CNTLN: variants seen among roughly 807,000 people sequenced by gnomAD.
CNTLN encodes centlein.
CNTLN carries 212 observed loss-of-function variants against 180.0 expected under a neutral mutation model. The observed-to-expected ratio is 1.18, with a 90% CI of 1.05 to 1.32. The LOEUF (loss-of-function observed/expected upper bound fraction) is 1.32. Among genes scored for constraint, CNTLN ranks in the 40% most tolerant of loss-of-function variants. The pLI, the probability that CNTLN is intolerant of heterozygous loss-of-function variation, is 0.00. For missense variants in CNTLN, 2,095 were observed against 1,610.9 expected (o/e 1.30, Z -5.14); for synonymous variants, 722 against 563.1 (o/e 1.28, Z -3.99).
intron 13 of CNTLN, among the ~76,000 whole-genome samples, chr9:17,381,724 G>A (rs188026007): frequency 1.2e-3 from 190 of 152,306 alleles, no homozygotes; most frequent in Non-Finnish European, 2.1e-3. Context: ...TTGCTCATGA[G>A]TCTATCAGCT....
At chr9:17,162,428 T>C (rs2131594002) in intron 2 of CNTLN, among the ~76,000 whole-genome samples, 1 of 152,308 alleles carries the variant, frequency 6.6e-6, no homozygotes, top group South Asian at 2.1e-4. Context: ...CTTGCTTTCT[T>C]TTATGGCCAA....
intron 8 of CNTLN, among the ~76,000 whole-genome samples, chr9:17,319,835 C>T (rs1253705529): frequency 6.6e-6 from 1 of 151,878 alleles, no homozygotes; most frequent in African/African-American, 2.4e-5. Context: ...TTCCTTTCTC[C>T]TATCTCAACT....
chr9:17,259,890 C>T (rs1431883562), intron 5 of CNTLN, among the ~76,000 whole-genome samples: 7 of 134,532 alleles, frequency 5.2e-5, no homozygotes, highest in Admixed American at 2.2e-4. Flanking sequence ...TTCTTGCTAG[C>T]GGTCTATCTA....
intron 2 of CNTLN, among the ~76,000 whole-genome samples, chr9:17,178,136 A>G (rs115116115): frequency 0.063 from 9,481 of 151,570 alleles, 509 homozygotes; most frequent in East Asian, 0.2. Context: ...TATCTTAGCT[A>G]GACATAAAGG....
chr9:17,139,100 T>A (rs992455589), intron 1 of CNTLN, among the ~76,000 whole-genome samples: 1 of 152,128 alleles, frequency 6.6e-6, no homozygotes, highest in African/African-American at 2.4e-5. Flanking sequence ...TTTTATTTTT[T>A]ATTTTTAGAT....
At chr9:17,251,450 T>C (rs955540478) in intron 5 of CNTLN, among the ~76,000 whole-genome samples, 1 of 151,956 alleles carries the variant, frequency 6.6e-6, no homozygotes, top group Non-Finnish European at 1.5e-5. Context: ...CTTTATGCTC[T>C]TTAGACTCAA....
At chr9:17,267,300 G>A (rs183389876) in intron 5 of CNTLN, among the ~76,000 whole-genome samples, 1 of 151,956 alleles carries the variant, frequency 6.6e-6, no homozygotes, top group Non-Finnish European at 1.5e-5. Context: ...ACTTATGAAG[G>A]TTAGGTTGGC....
At chr9:17,412,480 T>C (rs1241326395) in intron 16 of CNTLN, among the ~76,000 whole-genome samples, 5 of 152,228 alleles carry the variant, frequency 3.3e-5, no homozygotes, top group Non-Finnish European at 7.3e-5. Flanking sequence ...TTTTCTACTT[T>C]ATGTTGGTGT....
rs188924403 is a variant in CNTLN at position 17,232,481 on chromosome 9, G to T, written c.535-3177G>T. On this transcript the variant is annotated intron_variant, in intron 3 of 25. Transcript: ENST00000380647. ...TATTGGTATCATTTATATTGTCAGT[G>T]CCTGTTTAGTTTACTTTAATGGGAA... Among the ~76,000 whole-genome samples the T allele has an allele frequency of 6.2e-3, 864 of 139,982 alleles. 8 individuals carry two copies. The highest frequency in any genetic ancestry group is 0.024 in the African/African-American group (829 of 35,076). The allele number at this position is 139,982 out of a possible 152,430, so 91.8% of individuals were successfully genotyped here.
chr9:17,156,889 C>T (rs529297159), intron 2 of CNTLN, among the ~76,000 whole-genome samples: 1 of 152,114 alleles, frequency 6.6e-6, no homozygotes, highest in South Asian at 2.1e-4. Context: ...GGACTTAATC[C>T]TTTGGGAAGC....
At chr9:17,478,776 C>G (rs1722361196) in intron 23 of CNTLN, among the ~76,000 whole-genome samples, 1 of 152,022 alleles carries the variant, frequency 6.6e-6, no homozygotes, top group South Asian at 2.1e-4. Flanking sequence ...ATCACCCTGT[C>G]GACTATATTT....
chr9:17,212,704 G>T (rs915498644), intron 2 of CNTLN, among the ~76,000 whole-genome samples: 1 of 152,086 alleles, frequency 6.6e-6, no homozygotes, highest in Non-Finnish European at 1.5e-5. Context: ...TTGGTTGGTA[G>T]GCTATTAATT....
chr9:17,256,533 A>G (rs1826501139), intron 5 of CNTLN, among the ~76,000 whole-genome samples: 1 of 149,526 alleles, frequency 6.7e-6, no homozygotes, highest in South Asian at 2.1e-4. Flanking sequence ...CATTTCTTTC[A>G]TGATTGTTGG....
chr9:17,193,827 A>G (rs1035461062), intron 2 of CNTLN, among the ~76,000 whole-genome samples: 4 of 152,194 alleles, frequency 2.6e-5, no homozygotes, highest in Non-Finnish European at 5.9e-5. Context: ...GAGGTTCTCC[A>G]TGAGCGCCCG....
intron 5 of CNTLN, among the ~76,000 whole-genome samples, chr9:17,252,875 C>A (rs1394430743): frequency 7.0e-6 from 1 of 142,254 alleles, no homozygotes; most frequent in Non-Finnish European, 1.5e-5. Context: ...TCTATGTTTT[C>A]TTCTAGTATT....
chr9:17,248,852 A>C (rs1825957303), intron 5 of CNTLN, among the ~76,000 whole-genome samples: 1 of 151,784 alleles, frequency 6.6e-6, no homozygotes, highest in Middle Eastern at 3.2e-3. Context: ...GATTCATTGT[A>C]ATATATCTAA....
At chr9:17,199,035 G>A (rs1201999150) in intron 2 of CNTLN, among the ~76,000 whole-genome samples, 1 of 151,922 alleles carries the variant, frequency 6.6e-6, no homozygotes, top group Non-Finnish European at 1.5e-5. Context: ...AATCATTTGG[G>A]TATATACTCA....
At chr9:17,329,229 A>G (rs1820489421) in intron 8 of CNTLN, among the ~76,000 whole-genome samples, 1 of 152,058 alleles carries the variant, frequency 6.6e-6, no homozygotes. Context: ...AATTTTATTA[A>G]AGGAAACCTA....
chr9:17,144,494 CCTTTT>C, intron 2 of CNTLN, among the ~76,000 whole-genome samples: 1 of 152,126 alleles, frequency 6.6e-6, no homozygotes, highest in East Asian at 1.9e-4. Flanking sequence ...ATTCTCCTCT[CCTTTT>C]ATTTGTTATT....
Sources: allele counts gnomAD v4.1 joint callset (sites outside exome capture counted in the v4.1 genomes callset), GRCh38; gene constraint gnomAD v4.1.1; transcripts MANE v1.5; gene names NCBI Gene and HGNC (gene_info 2026-07-23, HGNC 2026-07-21).